The following UNC5A variants were observed in gnomAD, a reference collection of about 807,000 sequenced individuals.
UNC5A encodes netrin receptor UNC5A.
Under a neutral mutation model 87.4 loss-of-function variants are expected in UNC5A, and 20 were observed. The ratio of observed to expected loss-of-function variants is 0.23; its 90% confidence interval spans 0.16 to 0.33. The LOEUF is 0.33. Among genes scored for constraint, UNC5A ranks in the 10% least tolerant of loss-of-function variants. UNC5A has a pLI of 1.00. For synonymous variants in UNC5A, 438 were observed against 482.3 expected (o/e 0.91, Z 1.20); for missense variants, 844 against 1,133.4 (o/e 0.74, Z 3.67).
At chr5:176,867,636 G>A (rs1758005415) in intron 2 of UNC5A, among the ~76,000 whole-genome samples, 1 of 152,188 alleles carries the variant, frequency 6.6e-6, no homozygotes, top group African/African-American at 2.4e-5. Context: ...CAATTATATT[G>A]TTAATGACTG....
At chr5:176,862,119 C>T (rs1343255244) in intron 1 of UNC5A, among the ~76,000 whole-genome samples, 2 of 152,242 alleles carry the variant, frequency 1.3e-5, no homozygotes, top group African/African-American at 4.8e-5. Context: ...TGCCCGTGCC[C>T]ACCCCGCATG....
intron 1 of UNC5A, among the ~76,000 whole-genome samples, chr5:176,829,761 C>G (rs1031272242): frequency 6.6e-6 from 1 of 152,108 alleles, no homozygotes; most frequent in Non-Finnish European, 1.5e-5. Context: ...TCCCTCAAGT[C>G]CCCAGGCAGG....
In UNC5A at chr5:176,853,031, G is replaced by A. The variant is rs564791018; in HGVS notation, c.71-9593G>A. Among the ~76,000 whole-genome samples, 16 of 152,368 alleles carry A rather than the reference G, an allele frequency of 1.1e-4. No homozygotes were observed. The South Asian group carries it at 3.3e-3, about 32-fold the overall frequency. On this transcript the variant is annotated intron_variant, in intron 1 of 14. Coordinates refer to ENST00000329542, the MANE Select transcript of UNC5A (RefSeq NM_133369.3). ...GGAAGAGCTCCTTCACACAGGCCAG[G>A]TCCTCGGTGACAGTGACTCCGCGGG...
Position 176,877,995 on chromosome 5 carries a change from C to T in UNC5A, c.1737C>T (p.Ala579=), listed in dbSNP as rs765908568. 6.2e-7 allele frequency: 1 copy of T among 1,606,626 alleles called. No individual in the cohort carries two copies. The highest frequency in any genetic ancestry group is 8.5e-7 in the Non-Finnish European group (1 of 1,179,938). ...TCACCGAGCAGCTGGGCCGCTTTGC[C>T]CTGGTGGGAGAGGCCCTCAGCGTGG... ...YVFTEQLGRF[A]LVGEALSVAA... is the part of the protein sequence containing the mutation. The change falls in exon 11 of 15, where the codon GCC becomes GCT. Residue 579 remains alanine (A), a synonymous_variant. Coordinates refer to ENST00000329542, the MANE Select transcript of UNC5A (RefSeq NM_133369.3).
At chr5:176,860,975 G>A (rs1169812267) in intron 1 of UNC5A, among the ~76,000 whole-genome samples, 1 of 152,122 alleles carries the variant, frequency 6.6e-6, no homozygotes, top group Non-Finnish European at 1.5e-5. Flanking sequence ...CGACCCAGCA[G>A]CGGACAAACT....
Position 176,874,702 on chromosome 5 carries a change from C to T in UNC5A, c.1378+136C>T. On this transcript the variant is annotated intron_variant, in intron 8 of 14. Transcript: ENST00000329542. The surrounding 1 kb of genome is among the most constrained non-coding windows in gnomAD (Gnocchi z 7.6). ...AAAGGGGGTGGAGTTTTGGGGAGAACCCAGTCTTGGCTGGCACCGAGGCCG... is the reference window on the plus strand; with the variant it reads ...AAAGGGGGTGGAGTTTTGGGGAGAATCCAGTCTTGGCTGGCACCGAGGCCG... The T allele has an allele frequency of 9.3e-7, 1 of 1,073,972 alleles. No individual in the cohort carries two copies. The allele number at this position is 1,073,972 out of a possible 1,614,324, so 66.5% of individuals were successfully genotyped here.
intron 1 of UNC5A, among the ~76,000 whole-genome samples, chr5:176,828,542 G>A (rs1368430308): frequency 1.3e-5 from 2 of 152,128 alleles, no homozygotes; most frequent in Non-Finnish European, 2.9e-5. Flanking sequence ...GGCTTCCCTG[G>A]GTTGTTTGGC....
In UNC5A at chr5:176,874,456, T is replaced by A. The variant is rs759911445; in HGVS notation, c.1268T>A (p.Val423Asp). The stretch of plus-strand genomic sequence containing the variant: ...CCCACCTCTGAGGCCGAGGAGTTCG[T>A]CTCCCGCCTCTCCACCCAGAACTAC... ...SSPTSEAEEFVSRLSTQNYFR... is the reference protein window; with the variant it reads ...SSPTSEAEEFDSRLSTQNYFR... Residue 423 changes from valine (V) to aspartate (D), a missense_variant, in exon 8 of 15, where the codon GTC becomes GAC. Val to Asp is a radical substitution (Grantham distance 152). Coordinates refer to ENST00000329542, the MANE Select transcript of UNC5A (RefSeq NM_133369.3). This position sits in a 1 kb window ranked among gnomAD's most constrained non-coding sequence, Gnocchi z 7.6. The A allele has an allele frequency of 6.2e-7, 1 of 1,609,604 alleles. No homozygotes were observed. The highest frequency in any genetic ancestry group is 2.2e-5 in the East Asian group (1 of 44,816).
At chr5:176,873,664 C>T (rs1458930978) in intron 6 of UNC5A, among the ~76,000 whole-genome samples, 1 of 152,162 alleles carries the variant, frequency 6.6e-6, no homozygotes, top group Non-Finnish European at 1.5e-5. Flanking sequence ...AGCAGCCAGG[C>T]ACCAGGTTAT....
At chr5:176,851,609 G>A (rs776845342) in intron 1 of UNC5A, among the ~76,000 whole-genome samples, 1 of 152,244 alleles carries the variant, frequency 6.6e-6, no homozygotes, top group East Asian at 1.9e-4. Context: ...GGCTGGGGGC[G>A]GGGCTGGCCA....
rs1397967950 is a variant in UNC5A, at chr5:176,869,264, AG to A, written c.721+306del. ...GGCTGTCCCCACTCCTGAGTCTCCA[AG>A]GGGGGAATCAGAAGCCACACAGTCC... is the stretch of plus-strand genomic sequence containing the variant. On this transcript the variant is annotated intron_variant, in intron 5 of 14. Transcript: ENST00000329542. This position sits in a 1 kb window ranked among gnomAD's most constrained non-coding sequence, Gnocchi z 9.1. Among the ~76,000 whole-genome samples the A allele has an allele frequency of 3.9e-5, 6 of 152,120 alleles. No individual in the cohort carries two copies. Among genetic ancestry groups the A allele is most frequent in the Non-Finnish European group, 7.4e-5 (5 of 67,990 alleles).
intron 1 of UNC5A, among the ~76,000 whole-genome samples, chr5:176,861,599 C>T (rs148071629): frequency 5.9e-5 from 9 of 152,308 alleles, no homozygotes; most frequent in Non-Finnish European, 1.3e-4. Flanking sequence ...GGTTTTGGAT[C>T]ACCCGTGGGG....
In UNC5A at chr5:176,865,245, T is replaced by C. The variant is rs1757943971; in HGVS notation, c.292+2400T>C. 1.3e-5 allele frequency among the ~76,000 whole-genome samples: 2 copies of C among 152,056 alleles called. No homozygotes were observed. The highest frequency in any genetic ancestry group is 2.9e-5 in the Non-Finnish European group (2 of 67,982). ...AGCTGCTCTCCTGCAGCCTGGAAGC[T>C]CCAGTCCAGCCCCCTGCTGCTCCCA... On this transcript the variant is annotated intron_variant, in intron 2 of 14. Transcript: ENST00000329542. The surrounding 1 kb of genome is among the most constrained non-coding windows in gnomAD (Gnocchi z 5.3).
At position 176,869,702 on chromosome 5, in the gene UNC5A, C is replaced by T. The variant is rs1758062849; in HGVS notation, c.722-668C>T. 1.5e-6 allele frequency: 1 copy of T among 680,784 alleles called. No homozygotes were observed. The highest frequency in any genetic ancestry group is 2.7e-6 in the Non-Finnish European group (1 of 370,928). The allele number at this position is 680,784 out of a possible 1,614,324, so 42.2% of individuals were successfully genotyped here. On this transcript the variant is annotated intron_variant, in intron 5 of 14. Coordinates refer to ENST00000329542, the MANE Select transcript of UNC5A (RefSeq NM_133369.3). This position sits in a 1 kb window ranked among gnomAD's most constrained non-coding sequence, Gnocchi z 9.1. Reference sequence around the variant, plus strand: ...GGCAGAAACGGAGCCGGAGCTGCACCAACCCGGCGCCTCTCAACGGGGGCG... The same window carrying T: ...GGCAGAAACGGAGCCGGAGCTGCACTAACCCGGCGCCTCTCAACGGGGGCG...
At chr5:176,839,015 G>C (rs989938461) in intron 1 of UNC5A, among the ~76,000 whole-genome samples, 6 of 152,252 alleles carry the variant, frequency 3.9e-5, no homozygotes, top group Admixed American at 3.9e-4. Context: ...TGGGAAAGCA[G>C]TCAGCAGGTG....
chr5:176,811,465 G>T (rs1468167953), intron 1 of UNC5A, among the ~76,000 whole-genome samples: 1 of 152,212 alleles, frequency 6.6e-6, no homozygotes, highest in Admixed American at 6.5e-5. Flanking sequence ...TCCCTGGTGC[G>T]GGGGGCCAGA....
At position 176,852,703 on chromosome 5, in the gene UNC5A, C is replaced by T. The variant is rs142304208; in HGVS notation, c.71-9921C>T. Reference sequence around the variant, plus strand: ...TTGGGGCCATAGGAGCCCGTCCCCCCATCACAGCACTCCCCCCGGGAGTTT... The same window carrying T: ...TTGGGGCCATAGGAGCCCGTCCCCCTATCACAGCACTCCCCCCGGGAGTTT... On this transcript the variant is annotated intron_variant, in intron 1 of 14. Coordinates refer to ENST00000329542, the MANE Select transcript of UNC5A (RefSeq NM_133369.3). 7.0e-3 allele frequency among the ~76,000 whole-genome samples: 1,062 copies of T among 152,362 alleles called. 17 individuals are homozygous for T. The highest frequency in any genetic ancestry group is 0.024 in the African/African-American group (998 of 41,576).
chr5:176,848,086 A>ACTGACCAG lies in UNC5A; in HGVS notation c.71-14528_71-14521dup, dbSNP rs376151885. Among the ~76,000 whole-genome samples the ACTGACCAG allele has an allele frequency of 0.053, 8,010 of 152,006 alleles. 277 individuals are homozygous for ACTGACCAG. Among genetic ancestry groups the ACTGACCAG allele is most frequent in the Admixed American group, 0.12 (1,794 of 15,284 alleles). On this transcript the variant is annotated intron_variant, in intron 1 of 14. Coordinates refer to ENST00000329542, the MANE Select transcript of UNC5A (RefSeq NM_133369.3). This position sits in a 1 kb window ranked among gnomAD's most constrained non-coding sequence, Gnocchi z 5.8. ...CATCCAGCAGCCCCTCCAGGCCCCT[A>ACTGACCAG]CTGACCAGCTGACCAGCAGCCCCCA...
rs754983092 is a variant in UNC5A, at chr5:176,878,667, G to A, written c.2184+28G>A. 24 of 1,596,290 alleles carry A rather than the reference G, an allele frequency of 1.5e-5. No individual in the cohort carries two copies. The Middle Eastern group carries it at 6.9e-4, about 46-fold the overall frequency. On this transcript the variant is annotated intron_variant, in intron 13 of 14. Transcript: ENST00000329542. ...GGACGGGAGGGGCTGCCGCACCGCC[G>A]TGACGTGCTCCCACTACCAACTCCC...
Sources: gnomAD v4.1 joint callset for allele counts (sites outside exome capture counted in the v4.1 genomes callset) on GRCh38, gnomAD v4.1.1 for gene constraint, Gnocchi (gnomAD v3.1) non-coding constraint, MANE v1.5 for transcripts, NCBI Gene and HGNC (gene_info 2026-07-23, HGNC 2026-07-21) for gene names.